The following RORB variants were observed in gnomAD, a reference collection of about 807,000 sequenced individuals.
The protein encoded by RORB is nuclear receptor ROR-beta.
Under a neutral mutation model 59.1 loss-of-function variants are expected in RORB, and 6 were observed. That is an observed-to-expected ratio of 0.10 (90% confidence interval 0.06 to 0.20). RORB has a LOEUF of 0.20. RORB is among the 10% of genes least tolerant of loss of function. RORB has a pLI of 1.00. For missense variants in RORB, 320 were observed against 560.5 expected, an observed-to-expected ratio of 0.57 and a Z score of 4.33; for synonymous variants, 215 against 204.5, an observed-to-expected ratio of 1.05 and a Z score of -0.44.
intron 1 of RORB, among the ~76,000 whole-genome samples, chr9:74,620,818 AG>A (rs1276826806): frequency 6.6e-6 from 1 of 152,194 alleles, no homozygotes; most frequent in Non-Finnish European, 1.5e-5. Flanking sequence ...GTAGTCATTC[AG>A]GAGCAGGTTG....
At chr9:74,676,405 A>G (rs1210330105) in intron 9 of RORB, among the ~76,000 whole-genome samples, 1 of 152,224 alleles carries the variant, frequency 6.6e-6, no homozygotes, top group Non-Finnish European at 1.5e-5. Context: ...GCCATAGAGA[A>G]CTGCTGATAT....
rs1481246234 is a variant in RORB, at chr9:74,651,158, T to A, written c.637+8343T>A. ...TTTTGGTTTGTCCTATCTAAGACTCTTCAAGTGTTTGTAAGCCTGTAAACT... is the reference window on the plus strand; with the variant it reads ...TTTTGGTTTGTCCTATCTAAGACTCATCAAGTGTTTGTAAGCCTGTAAACT... On this transcript the variant is annotated intron_variant, in intron 4 of 9. Transcript: ENST00000376896. Among the ~76,000 whole-genome samples, 3 of 152,190 alleles carry A rather than the reference T, an allele frequency of 2.0e-5. No homozygotes were observed. The East Asian group carries it at 5.8e-4, about 29-fold the overall frequency.
chr9:74,521,706 T>C (rs1826087966), intron 1 of RORB, among the ~76,000 whole-genome samples: 1 of 151,788 alleles, frequency 6.6e-6, no homozygotes, highest in Non-Finnish European at 1.5e-5. Context: ...TACAGTTTAC[T>C]CCTGATCTCG....
At chr9:74,518,705 C>T (rs543475475) in intron 1 of RORB, among the ~76,000 whole-genome samples, 3 of 151,990 alleles carry the variant, frequency 2.0e-5, no homozygotes, top group East Asian at 1.9e-4. Flanking sequence ...GATTGGTTTT[C>T]GGTTATTTTA....
intron 1 of RORB, among the ~76,000 whole-genome samples, chr9:74,614,995 C>G (rs118037960): frequency 1.3e-5 from 2 of 152,244 alleles, no homozygotes; most frequent in Middle Eastern, 3.4e-3. Flanking sequence ...TGCTCAGGCT[C>G]TCTTGCTGCT....
intron 1 of RORB, among the ~76,000 whole-genome samples, chr9:74,546,568 G>T (rs1180500117): frequency 5.9e-5 from 9 of 152,186 alleles, no homozygotes; most frequent in African/African-American, 2.2e-4. Flanking sequence ...AAAAGCCATT[G>T]GCTTTGATGC....
chr9:74,559,185 C>A (rs1822357198), intron 1 of RORB, among the ~76,000 whole-genome samples: 1 of 152,184 alleles, frequency 6.6e-6, no homozygotes, highest in African/African-American at 2.4e-5. Flanking sequence ...AAATCCAAGG[C>A]ACCAGATCTC....
intron 1 of RORB, among the ~76,000 whole-genome samples, chr9:74,592,245 C>T (rs906930203): frequency 1.3e-5 from 2 of 151,998 alleles, no homozygotes; most frequent in Non-Finnish European, 2.9e-5. Flanking sequence ...AAGTGTAGTA[C>T]CTAGAGTGGA....
intron 1 of RORB, among the ~76,000 whole-genome samples, chr9:74,618,257 C>A (rs900743569): frequency 6.6e-6 from 1 of 151,904 alleles, no homozygotes; most frequent in Non-Finnish European, 1.5e-5. Context: ...TGTCTGCAAA[C>A]GTGAAAAAGG....
intron 1 of RORB, among the ~76,000 whole-genome samples, chr9:74,511,731 T>G (rs1429827761): frequency 1.3e-5 from 2 of 149,708 alleles, no homozygotes; most frequent in Non-Finnish European, 3.0e-5. Flanking sequence ...GGTCATCTAG[T>G]ATGATAATAA....
At chr9:74,595,075 A>AC (rs1822951521) in intron 1 of RORB, among the ~76,000 whole-genome samples, 1 of 152,198 alleles carries the variant, frequency 6.6e-6, no homozygotes. Context: ...GGGACCCTTC[A>AC]CCAGTTGAGT....
In RORB at chr9:74,602,935, C is replaced by T. The variant is rs149829995; in HGVS notation, c.8-27347C>T. 2.6e-5 allele frequency among the ~76,000 whole-genome samples: 4 copies of T among 152,258 alleles called. No homozygotes were observed. The East Asian group carries it at 7.7e-4, about 29-fold the overall frequency. Reference sequence around the variant, plus strand: ...CCCAAAATAACAAGCAACTTGTTAGCTGGATAACTAGCTCATGTAACTAGC... The same window carrying T: ...CCCAAAATAACAAGCAACTTGTTAGTTGGATAACTAGCTCATGTAACTAGC... On this transcript the variant is annotated intron_variant, in intron 1 of 9. Transcript: ENST00000376896.
At position 74,621,306 on chromosome 9, in the gene RORB, T is replaced by A. The variant is rs1266199955; in HGVS notation, c.8-8976T>A. On this transcript the variant is annotated intron_variant, in intron 1 of 9. Coordinates refer to ENST00000376896, the MANE Select transcript of RORB (RefSeq NM_006914.4). ...AACCCATGGCAACTAATGATTTTTT[T>A]AATTATCTTTGTAGTTTTGCCCTTT... Among the ~76,000 whole-genome samples the A allele has an allele frequency of 4.6e-5, 7 of 152,236 alleles. No individual in the cohort carries two copies. The East Asian group carries it at 1.2e-3, about 25-fold the overall frequency.
intron 1 of RORB, among the ~76,000 whole-genome samples, chr9:74,565,814 T>C (rs1313178877): frequency 6.6e-6 from 1 of 152,132 alleles, no homozygotes; most frequent in Non-Finnish European, 1.5e-5. Context: ...TCTCCTACTT[T>C]CATCATCTAT....
At chr9:74,636,662 T>C (rs1215866747) in intron 3 of RORB, among the ~76,000 whole-genome samples, 1 of 152,172 alleles carries the variant, frequency 6.6e-6, no homozygotes, top group East Asian at 1.9e-4. Context: ...TCATTTCAAC[T>C]TTAGGTCCAG....
chr9:74,532,831 TA>T (rs1292290578), intron 1 of RORB, among the ~76,000 whole-genome samples: 1 of 135,170 alleles, frequency 7.4e-6, no homozygotes, highest in Non-Finnish European at 1.7e-5. Flanking sequence ...TATATGTGTA[TA>T]TATATACACA....
At chr9:74,628,701 A>G (rs140787373) in intron 1 of RORB, among the ~76,000 whole-genome samples, 14 of 152,380 alleles carry the variant, frequency 9.2e-5, no homozygotes, top group African/African-American at 3.1e-4. Flanking sequence ...GTAGAAAAGC[A>G]TCCAAGTGGC....
At chr9:74,594,463 A>G (rs1822943933) in intron 1 of RORB, among the ~76,000 whole-genome samples, 1 of 152,236 alleles carries the variant, frequency 6.6e-6, no homozygotes, top group African/African-American at 2.4e-5. Flanking sequence ...CTATCTGCAT[A>G]CAAAATATCA....
chr9:74,532,841 C>CGT (rs1554664996), intron 1 of RORB, among the ~76,000 whole-genome samples: 2 of 134,214 alleles, frequency 1.5e-5, no homozygotes. Flanking sequence ...TATATATACA[C>CGT]ATATATATAC....
Sources: allele counts gnomAD v4.1 joint callset (sites outside exome capture counted in the v4.1 genomes callset), GRCh38; gene constraint gnomAD v4.1.1; transcripts MANE v1.5; gene names NCBI Gene and HGNC (gene_info 2026-07-23, HGNC 2026-07-21).